DOCK2: variants seen among roughly 807,000 people sequenced by gnomAD.
DOCK2 encodes the protein dedicator of cytokinesis 2.
A neutral mutation model predicts 248.9 loss-of-function variants in DOCK2; 87 were observed. The ratio of observed to expected loss-of-function variants is 0.35; its 90% CI spans 0.29 to 0.42. The LOEUF (loss-of-function observed/expected upper bound fraction) is 0.42. Ranked by LOEUF, DOCK2 falls within the 10% of genes least tolerant of loss-of-function variation. The pLI is 1.00. For missense variants in DOCK2, 1,747 were observed against 2,300.2 expected (o/e 0.76, Z 4.92); for synonymous variants, 805 against 821.6 (o/e 0.98, Z 0.35).
At chr5:169,663,917 C>T (rs1165324302) in intron 2 of DOCK2, among the ~76,000 whole-genome samples, 2 of 152,182 alleles carry the variant, frequency 1.3e-5, no homozygotes, top group African/African-American at 4.8e-5. Flanking sequence ...TTCTGCAGCT[C>T]GTTTGAATTT....
intron 32 of DOCK2, 39 bp from the exon 33 acceptor site, chr5:170,018,921 C>A: frequency 6.2e-7 from 1 of 1,603,218 alleles, no homozygotes; most frequent in Non-Finnish European, 8.5e-7. Context: ...TGTGCGTCGC[C>A]GAACTGTTTT....
intron 46 of DOCK2, among the ~76,000 whole-genome samples, chr5:170,070,445 C>T (rs914017048): frequency 2.0e-5 from 3 of 152,232 alleles, no homozygotes; most frequent in African/African-American, 7.2e-5. Context: ...ACTGCACAGA[C>T]GCGCTTTTCC....
chr5:169,722,397 A>G (rs1762258403), intron 22 of DOCK2, among the ~76,000 whole-genome samples: 1 of 152,244 alleles, frequency 6.6e-6, no homozygotes, highest in Non-Finnish European at 1.5e-5. Context: ...GAGAGGAACC[A>G]GAACACTGTG....
intron 27 of DOCK2, among the ~76,000 whole-genome samples, chr5:169,841,935 AC>A (rs1354713024): frequency 6.6e-6 from 1 of 152,138 alleles, no homozygotes; most frequent in Non-Finnish European, 1.5e-5. Flanking sequence ...CTCAGTAAAT[AC>A]GTTTGAATGA....
chr5:169,909,330 T>C (rs1774463563), intron 27 of DOCK2, among the ~76,000 whole-genome samples: 1 of 152,250 alleles, frequency 6.6e-6, no homozygotes, highest in African/African-American at 2.4e-5. Context: ...AGAACATTTC[T>C]TTCTATTCAG....
At chr5:169,946,574 CA>C (rs1776459351) in intron 27 of DOCK2, among the ~76,000 whole-genome samples, 2 of 152,204 alleles carry the variant, frequency 1.3e-5, no homozygotes, top group South Asian at 4.1e-4. Flanking sequence ...TTCATTCATT[CA>C]TTCATTCATT....
At chr5:169,782,803 C>G (rs935232180) in intron 25 of DOCK2, among the ~76,000 whole-genome samples, 1 of 152,158 alleles carries the variant, frequency 6.6e-6, no homozygotes, top group Non-Finnish European at 1.5e-5. Context: ...TTTTAGTCTA[C>G]GTCTTCACCT....
intron 2 of DOCK2, among the ~76,000 whole-genome samples, chr5:169,662,163 A>G (rs1328719533): frequency 1.3e-5 from 2 of 152,226 alleles, no homozygotes; most frequent in African/African-American, 4.8e-5. Flanking sequence ...TTTCACAGGC[A>G]TGAGGTGATA....
At chr5:169,676,338 G>A (rs1759334728) in intron 6 of DOCK2, among the ~76,000 whole-genome samples, 1 of 152,204 alleles carries the variant, frequency 6.6e-6, no homozygotes, top group Non-Finnish European at 1.5e-5. Flanking sequence ...TTCTCAGTGA[G>A]TGACAACTGA....
intron 26 of DOCK2, among the ~76,000 whole-genome samples, chr5:169,806,633 AT>A (rs1031463523): frequency 6.6e-6 from 1 of 152,126 alleles, no homozygotes; most frequent in Non-Finnish European, 1.5e-5. Context: ...CCCTTCGCTT[AT>A]TTTACATAAA....
intron 27 of DOCK2, among the ~76,000 whole-genome samples, chr5:169,932,673 C>T (rs909948855): frequency 6.6e-6 from 1 of 151,918 alleles, no homozygotes; most frequent in Non-Finnish European, 1.5e-5. Flanking sequence ...AAGGAGAAAA[C>T]CCAAGGCTCT....
At chr5:169,657,516 C>T (rs1420062144) in intron 2 of DOCK2, among the ~76,000 whole-genome samples, 1 of 152,046 alleles carries the variant, frequency 6.6e-6, no homozygotes, top group Non-Finnish European at 1.5e-5. Flanking sequence ...AATATTGGGT[C>T]CAAATGAATC....
At chr5:169,696,007 T>C (rs1760600264) in intron 10 of DOCK2, 69 bp downstream of exon 10, 3 of 1,504,524 alleles carry the variant, frequency 2.0e-6, no homozygotes, top group South Asian at 1.4e-5. Context: ...ATTGTAATGA[T>C]GATTTGTTTC....
At chr5:169,710,613 C>G (rs1761527485) in intron 15 of DOCK2, among the ~76,000 whole-genome samples, 1 of 152,198 alleles carries the variant, frequency 6.6e-6, no homozygotes, top group Non-Finnish European at 1.5e-5. Flanking sequence ...TCAGATATCT[C>G]TGCCTTATCA....
At chr5:169,931,629 C>T (rs1775759626) in intron 27 of DOCK2, among the ~76,000 whole-genome samples, 2 of 152,218 alleles carry the variant, frequency 1.3e-5, no homozygotes, top group Admixed American at 1.3e-4. Context: ...ATCTCTGAGC[C>T]TGCTTCCTTG....
intron 45 of DOCK2, among the ~76,000 whole-genome samples, chr5:170,068,193 A>G (rs970959992): frequency 6.6e-6 from 1 of 152,180 alleles, no homozygotes; most frequent in African/African-American, 2.4e-5. Context: ...AAAGCCCCAC[A>G]TGTTTGAGCC....
At chr5:170,039,752 G>C (rs1486501870) in intron 36 of DOCK2, among the ~76,000 whole-genome samples, 1 of 152,222 alleles carries the variant, frequency 6.6e-6, no homozygotes, top group South Asian at 2.1e-4. Context: ...AGAGCATTGA[G>C]ACACGCATTG....
At chr5:169,950,313 G>A (rs951185031) in intron 27 of DOCK2, among the ~76,000 whole-genome samples, 1 of 152,202 alleles carries the variant, frequency 6.6e-6, no homozygotes, top group Non-Finnish European at 1.5e-5. Context: ...TCATAGGGTT[G>A]TTTTAGGATT....
chr5:169,675,636 C>G (rs1330780569), intron 6 of DOCK2, among the ~76,000 whole-genome samples: 1 of 152,152 alleles, frequency 6.6e-6, no homozygotes, highest in Non-Finnish European at 1.5e-5. Flanking sequence ...AGATATTAAG[C>G]AGGCTAAAAA....
Sources: gnomAD v4.1 joint callset for allele counts (sites outside exome capture counted in the v4.1 genomes callset) on GRCh38, gnomAD v4.1.1 for gene constraint, MANE v1.5 for transcripts, NCBI Gene and HGNC (gene_info 2026-07-23, HGNC 2026-07-21) for gene names.